The following RAC2 variants were observed in gnomAD, a reference collection of about 807,000 sequenced individuals.
RAC2 encodes the protein ras-related C3 botulinum toxin substrate 2.
In RAC2, 1 loss-of-function variant was observed where a neutral mutation model predicts 24.0. That is an observed-to-expected ratio of 0.04 (90% CI 0.01 to 0.20). The LOEUF (loss-of-function observed/expected upper bound fraction) is 0.20, where lower values mean the gene tolerates loss of function less well. RAC2 is among the 10% of genes least tolerant of loss of function. RAC2 has a pLI of 1.00. For synonymous variants in RAC2, 114 were observed against 106.8 expected (o/e 1.07, Z -0.41); for missense variants, 130 against 259.1 (o/e 0.50, Z 3.42).
intron 5 of RAC2, 21 bp from the exon 6 acceptor site, chr22:37,226,824 G>A (rs1601667964): frequency 6.2e-7 from 1 of 1,609,620 alleles, no homozygotes. Flanking sequence ...AGATGGACAG[G>A]AGAGCCAAGG....
At chr22:37,228,105 T>C (rs1239152786) in intron 5 of RAC2, among the ~76,000 whole-genome samples, 1 of 152,156 alleles carries the variant, frequency 6.6e-6, no homozygotes, top group African/African-American at 2.4e-5. Flanking sequence ...CCCAACATCA[T>C]CAGCCCCTTC....
intron 5 of RAC2, among the ~76,000 whole-genome samples, chr22:37,229,214 A>G (rs952155759): frequency 1.3e-5 from 2 of 152,060 alleles, no homozygotes; most frequent in African/African-American, 4.8e-5. Flanking sequence ...TCAGTCTCCC[A>G]TCTGTCTAGG....
Position 37,231,470 on chromosome 22 carries a change from G to C in RAC2, c.289-80C>G. The C allele has an allele frequency of 7.9e-6, 11 of 1,397,696 alleles. No homozygotes were observed. The South Asian group carries it at 1.2e-4, about 15-fold the overall frequency. 86.6% of individuals were successfully genotyped at this position (1,397,696 alleles called of 1,614,324 possible). A position where few individuals can be genotyped will look rare whatever the true frequency, so the allele number is the denominator to read the frequency against. Reference sequence around the variant, plus strand: ...GCTGTGCGGGGATCAGAGGGAGTGTGAGGGTGTAGGGAGAGGAGAGGCAGC... The same window carrying C: ...GCTGTGCGGGGATCAGAGGGAGTGTCAGGGTGTAGGGAGAGGAGAGGCAGC... On this transcript the variant is annotated intron_variant, in intron 4 of 6. Coordinates refer to ENST00000249071, the MANE Select transcript of RAC2 (RefSeq NM_002872.5). The surrounding 1 kb of genome is among the most constrained non-coding windows in gnomAD (Gnocchi z 5.5).
At chr22:37,236,008 G>A (rs1266040883) in intron 2 of RAC2, among the ~76,000 whole-genome samples, 1 of 152,218 alleles carries the variant, frequency 6.6e-6, no homozygotes, top group Non-Finnish European at 1.5e-5. Flanking sequence ...GGAAACTGAG[G>A]CCTGAAGAGG....
chr22:37,234,667 C>T (rs1223258799), intron 2 of RAC2, among the ~76,000 whole-genome samples: 2 of 152,182 alleles, frequency 1.3e-5, no homozygotes, highest in African/African-American at 4.8e-5. Flanking sequence ...ACACTGCCCA[C>T]CTCCCTGTGC....
chr22:37,232,028 A>G, intron 3 of RAC2, 34 bp from the exon 4 acceptor site: 1 of 1,549,094 alleles, frequency 6.5e-7, no homozygotes, highest in Non-Finnish European at 8.7e-7. Flanking sequence ...GCTAGTGAGG[A>G]GGGCCCAGAG....
chr22:37,234,263 G>A (rs1269238493), intron 2 of RAC2, among the ~76,000 whole-genome samples: 1 of 152,222 alleles, frequency 6.6e-6, no homozygotes, highest in East Asian at 1.9e-4. Flanking sequence ...GGCCATCCCA[G>A]GGCTCCAAGC....
At chr22:37,229,880 G>A (rs1031777138) in intron 5 of RAC2, among the ~76,000 whole-genome samples, 3 of 152,188 alleles carry the variant, frequency 2.0e-5, no homozygotes, top group Non-Finnish European at 4.4e-5. Context: ...ATCAGAGCCA[G>A]GACCAGAATC....
At chr22:37,232,072 C>T in intron 3 of RAC2, 78 bp from the exon 4 acceptor site, 2 of 1,440,310 alleles carry the variant, frequency 1.4e-6, no homozygotes, top group Non-Finnish European at 1.9e-6. Context: ...AGAGGTGGAG[C>T]TTGGGGCTCC....
At chr22:37,227,550 A>C in intron 5 of RAC2, among the ~76,000 whole-genome samples, 1 of 28,068 alleles carries the variant, frequency 3.6e-5, no homozygotes, top group Non-Finnish European at 6.7e-5. Context: ...CTCCCACGCC[A>C]TACACCCCTT....
intron 2 of RAC2, chr22:37,240,915 G>A (rs1927368269): frequency 1.5e-6 from 1 of 666,042 alleles, no homozygotes; most frequent in Non-Finnish European, 2.8e-6. Context: ...GGAGGAGGCA[G>A]AGTGTGAAGC....
intron 1 of RAC2, among the ~76,000 whole-genome samples, chr22:37,243,230 C>T (rs1473868106): frequency 6.6e-6 from 1 of 152,146 alleles, no homozygotes; most frequent in Non-Finnish European, 1.5e-5. Flanking sequence ...AAGCTCCTGG[C>T]CTCAAGCAAT....
intron 2 of RAC2, chr22:37,241,168 T>C (rs772949111): frequency 2.6e-6 from 2 of 778,468 alleles, no homozygotes; most frequent in Non-Finnish European, 4.8e-6. Flanking sequence ...CTCCCAGGCC[T>C]GCAGACAGCT....
In RAC2 at chr22:37,244,178, T is replaced by C. The variant is rs757164212; in HGVS notation, c.-30A>G. ...TCCGGAGCCTGGAGAGTGTCGGTGG[T>C]GACAGCTCAGGGCCAGGCGCGTTTC... is the stretch of plus-strand genomic sequence containing the variant. On this transcript the variant is annotated 5_prime_UTR_variant, in exon 1 of 7. Coordinates refer to ENST00000249071, the MANE Select transcript of RAC2 (RefSeq NM_002872.5). 2 of 1,612,974 alleles carry C rather than the reference T, an allele frequency of 1.2e-6. No homozygotes were observed. Among genetic ancestry groups the C allele is most frequent in the Non-Finnish European group, 1.7e-6 (2 of 1,179,582 alleles).
At chr22:37,232,311 G>A in intron 3 of RAC2, 2 of 482,986 alleles carry the variant, frequency 4.1e-6, no homozygotes, top group Admixed American at 3.3e-5. Flanking sequence ...TTGCCAACGT[G>A]CACTCTGGTG....
At chr22:37,240,837 A>C (rs1329735406) in intron 2 of RAC2, 1 of 593,004 alleles carries the variant, frequency 1.7e-6, no homozygotes, top group Admixed American at 2.9e-5. Flanking sequence ...CTATGGGGAG[A>C]GAGAACAGCT....
Position 37,231,081 on chromosome 22 carries a change from G to A in RAC2, c.448+150C>T. 1.1e-6 allele frequency: 1 copy of A among 907,508 alleles called. No individual in the cohort carries two copies. The highest frequency in any genetic ancestry group is 1.6e-5 in the African/African-American group (1 of 60,800). 56.2% of individuals were successfully genotyped at this position (907,508 alleles called of 1,614,324 possible). A position where few individuals can be genotyped will look rare whatever the true frequency, so the allele number is the denominator to read the frequency against. On this transcript the variant is annotated intron_variant, in intron 5 of 6. Transcript: ENST00000249071. The surrounding 1 kb of genome is among the most constrained non-coding windows in gnomAD (Gnocchi z 5.5). ...AAACACAGGCAGAGAGAGGCTACGT[G>A]ACTCGCCCAAGGTCACACAGCAAGT...
intron 2 of RAC2, chr22:37,240,704 T>G: frequency 2.8e-6 from 1 of 361,156 alleles, no homozygotes; most frequent in Non-Finnish European, 5.2e-6. Context: ...ATGGGAGAGA[T>G]CAGATAAAGT....
intron 3 of RAC2, 101 bp downstream of exon 3, chr22:37,232,700 G>T: frequency 1.0e-6 from 1 of 962,764 alleles, no homozygotes. Flanking sequence ...CTTAAGGGGA[G>T]AGGTAGGGTT....
Sources: allele counts gnomAD v4.1 joint callset (sites outside exome capture counted in the v4.1 genomes callset), GRCh38; gene constraint gnomAD v4.1.1; non-coding constraint Gnocchi (gnomAD v3.1); transcripts MANE v1.5; gene names NCBI Gene and HGNC (gene_info 2026-07-23, HGNC 2026-07-21).